Variants in PTPRG observed in about 807,000 individuals in gnomAD.
The protein encoded by PTPRG is receptor-type tyrosine-protein phosphatase gamma.
A neutral mutation model predicts 165.3 loss-of-function variants in PTPRG; 102 were observed. The ratio of observed to expected loss-of-function variants is 0.62; its 90% CI spans 0.53 to 0.73. The LOEUF is 0.73. Ranked by LOEUF, PTPRG falls within the 30% of genes least tolerant of loss-of-function variation. PTPRG has a pLI of 0.00. For synonymous variants in PTPRG, 675 were observed against 669.5 expected (o/e 1.01, Z -0.13); for missense variants, 1,866 against 1,861.4 (o/e 1.00, Z -0.05).
intron 8 of PTPRG, among the ~76,000 whole-genome samples, chr3:62,169,399 C>G (rs1559597198): frequency 6.6e-6 from 1 of 152,068 alleles, no homozygotes; most frequent in Non-Finnish European, 1.5e-5. Flanking sequence ...ATTTTTTTAA[C>G]CTATTATTTA....
intron 5 of PTPRG, among the ~76,000 whole-genome samples, chr3:62,082,717 A>C (rs1232808759): frequency 2.0e-5 from 3 of 152,236 alleles, no homozygotes; most frequent in Non-Finnish European, 4.4e-5. Context: ...GGTCAGTCTC[A>C]GTGCTAAAAG....
chr3:61,784,382 A>G (rs945196797), intron 2 of PTPRG, among the ~76,000 whole-genome samples: 2 of 152,176 alleles, frequency 1.3e-5, no homozygotes, highest in Non-Finnish European at 2.9e-5. Context: ...CTTAATGCAC[A>G]CCATAATATG....
At chr3:62,086,342 A>C (rs954481356) in intron 5 of PTPRG, among the ~76,000 whole-genome samples, 2 of 151,186 alleles carry the variant, frequency 1.3e-5, no homozygotes, top group African/African-American at 4.9e-5. Context: ...CTCTGGAGAG[A>C]GAGAGAGAAG....
chr3:62,217,334 G>C lies in PTPRG; in HGVS notation c.2156-1517G>C, dbSNP rs944852070. On this transcript the variant is annotated intron_variant, in intron 12 of 29. Coordinates refer to ENST00000474889, the MANE Select transcript of PTPRG (RefSeq NM_002841.4). The surrounding 1 kb of genome is among the most constrained non-coding windows in gnomAD (Gnocchi z 4.3). Reference sequence around the variant, plus strand: ...TACATCAGGTCCTGTCTGCGTCACAGGCCTGTGCCTGAAACAAAGGAGGTG... The same window carrying C: ...TACATCAGGTCCTGTCTGCGTCACACGCCTGTGCCTGAAACAAAGGAGGTG... 1.3e-5 allele frequency among the ~76,000 whole-genome samples: 2 copies of C among 152,208 alleles called. No homozygotes were observed. The highest frequency in any genetic ancestry group is 1.3e-4 in the Admixed American group (2 of 15,282).
At chr3:61,778,320 C>G (rs997235867) in intron 2 of PTPRG, among the ~76,000 whole-genome samples, 1 of 152,074 alleles carries the variant, frequency 6.6e-6, no homozygotes, top group Non-Finnish European at 1.5e-5. Context: ...ACTTGGTGTT[C>G]ACGCCATGTA....
intron 1 of PTPRG, among the ~76,000 whole-genome samples, chr3:61,745,208 C>G (rs1467413062): frequency 6.6e-6 from 1 of 151,898 alleles, no homozygotes; most frequent in Non-Finnish European, 1.5e-5. Context: ...GCCACCATGC[C>G]CAGCTCATTT....
chr3:62,273,662 A>C lies in PTPRG; in HGVS notation c.3319-36A>C. The C allele has an allele frequency of 6.2e-7, 1 of 1,606,562 alleles. No homozygotes were observed. The highest frequency in any genetic ancestry group is 8.5e-7 in the Non-Finnish European group (1 of 1,173,876). On this transcript the variant is annotated intron_variant, in intron 22 of 29. Transcript: ENST00000474889. The surrounding 1 kb of genome is among the most constrained non-coding windows in gnomAD (Gnocchi z 4.1). ...CATGAATGAGTGGCTAACCCTTAAC[A>C]CTCCCTCAGTGACTACCATGTATTG...
At chr3:61,575,598 CTTTTTTTTTTT>C (rs34363041) in intron 1 of PTPRG, among the ~76,000 whole-genome samples, 1 of 117,304 alleles carries the variant, frequency 8.5e-6, no homozygotes, top group Non-Finnish European at 1.7e-5. Context: ...GCACACAGAA[CTTTTTTTTTTT>C]TTTTTTTTTT....
chr3:61,646,889 T>A (rs1246731197), intron 1 of PTPRG, among the ~76,000 whole-genome samples: 1 of 152,230 alleles, frequency 6.6e-6, no homozygotes, highest in African/African-American at 2.4e-5. Context: ...CATAACCTTT[T>A]GGTGCTGGCT....
intron 2 of PTPRG, among the ~76,000 whole-genome samples, chr3:61,871,603 T>C (rs2037587127): frequency 6.6e-6 from 1 of 152,174 alleles, no homozygotes; most frequent in Non-Finnish European, 1.5e-5. Flanking sequence ...TCATGGTTGA[T>C]GTAGTATGAC....
intron 2 of PTPRG, among the ~76,000 whole-genome samples, chr3:61,932,815 C>A (rs2039393811): frequency 6.6e-6 from 1 of 152,136 alleles, no homozygotes; most frequent in Non-Finnish European, 1.5e-5. Flanking sequence ...TTGGCTTTCC[C>A]TTATGGGTTT....
Position 61,979,970 on chromosome 3 carries a change from G to A in PTPRG, c.191-9655G>A, listed in dbSNP as rs571813853. Among the ~76,000 whole-genome samples, 4 of 151,872 alleles carry A rather than the reference G, an allele frequency of 2.6e-5. No individual in the cohort carries two copies. In the East Asian group the frequency reaches 7.7e-4, roughly 29 times the overall value. ...TCTCAGCCTTTATGTCAGTGGGTAG[G>A]TATACAGACCCTCAGCCCTCCTAAA... On this transcript the variant is annotated intron_variant, in intron 2 of 29. Coordinates refer to ENST00000474889, the MANE Select transcript of PTPRG (RefSeq NM_002841.4).
At chr3:62,181,994 C>G (rs1705670279) in intron 8 of PTPRG, among the ~76,000 whole-genome samples, 1 of 152,166 alleles carries the variant, frequency 6.6e-6, no homozygotes, top group African/African-American at 2.4e-5. Flanking sequence ...AGTCAATTAA[C>G]ACATATTTTG....
chr3:61,738,220 T>G (rs1305630028), intron 1 of PTPRG, among the ~76,000 whole-genome samples: 4 of 146,036 alleles, frequency 2.7e-5, no homozygotes, highest in African/African-American at 1.0e-4. Flanking sequence ...TTAAAATGGG[T>G]ACCCAACCAC....
At chr3:62,082,806 G>A (rs1248353696) in intron 5 of PTPRG, among the ~76,000 whole-genome samples, 2 of 152,212 alleles carry the variant, frequency 1.3e-5, no homozygotes, top group Admixed American at 1.3e-4. Flanking sequence ...GTGAATCAGG[G>A]CAGCCACATC....
chr3:62,176,723 G>C (rs1010762402), intron 8 of PTPRG, among the ~76,000 whole-genome samples: 1 of 152,082 alleles, frequency 6.6e-6, no homozygotes, highest in Non-Finnish European at 1.5e-5. Flanking sequence ...GATCTGTACC[G>C]TGGGGCCATT....
chr3:62,230,450 G>A (rs532471677), intron 13 of PTPRG, among the ~76,000 whole-genome samples: 1 of 152,160 alleles, frequency 6.6e-6, no homozygotes, highest in Non-Finnish European at 1.5e-5. Context: ...AACAGAGTTT[G>A]GAAAGAATAG....
intron 1 of PTPRG, among the ~76,000 whole-genome samples, chr3:61,694,296 A>G (rs2030423696): frequency 6.6e-6 from 1 of 152,226 alleles, no homozygotes; most frequent in Non-Finnish European, 1.5e-5. Context: ...GGTCTTTTAA[A>G]GACATTAAGA....
intron 4 of PTPRG, among the ~76,000 whole-genome samples, chr3:62,056,522 G>A (rs534730585): frequency 1.3e-5 from 2 of 152,056 alleles, no homozygotes; most frequent in African/African-American, 4.8e-5. Context: ...GGACACCCCT[G>A]GTCTAAATAC....
Sources: gnomAD v4.1 joint callset for allele counts (sites outside exome capture counted in the v4.1 genomes callset) on GRCh38, gnomAD v4.1.1 for gene constraint, Gnocchi (gnomAD v3.1) non-coding constraint, MANE v1.5 for transcripts, NCBI Gene and HGNC (gene_info 2026-07-23, HGNC 2026-07-21) for gene names.